Variants in USH2A observed in about 807,000 individuals in gnomAD.
USH2A encodes Usher syndrome 2A (autosomal recessive, mild).
USH2A carries 443 observed loss-of-function variants against 538.9 expected under a neutral mutation model. That is an observed-to-expected ratio of 0.82 (90% CI 0.76 to 0.89). The LOEUF (loss-of-function observed/expected upper bound fraction) is 0.89, where lower values mean the gene tolerates loss of function less well. Among genes scored for constraint, USH2A ranks in the 40% least tolerant of loss-of-function variants. USH2A has a pLI of 0.00. For synonymous variants in USH2A, 2,413 were observed against 2,273.5 expected, an observed-to-expected ratio of 1.06 and a Z score of -1.75; for missense variants, 6,633 against 6,324.8, an observed-to-expected ratio of 1.05 and a Z score of -1.65.
At chr1:216,380,621 G>C (rs1271132711) in intron 3 of USH2A, among the ~76,000 whole-genome samples, 1 of 151,988 alleles carries the variant, frequency 6.6e-6, no homozygotes, top group Non-Finnish European at 1.5e-5. Context: ...GACAAAATAT[G>C]GGAGAAAAAA....
Position 216,078,308 on chromosome 1 carries a change from T to G in USH2A, c.5353A>C (p.Thr1785Pro), listed in dbSNP as rs1001127150. The G allele has an allele frequency of 5.0e-6, 8 of 1,613,660 alleles. No homozygotes were observed. Among genetic ancestry groups the G allele is most frequent in the Non-Finnish European group, 6.8e-6 (8 of 1,179,694 alleles). ...TFRLNTSLAF[T>P]QVDLLLGLSY... ...AGCCCCAGCAATAGATCCACTTGTG[T>G]AAAGGCAAGACTGGTATTTAACCGG... Residue 1785 changes from threonine (T) to proline (P), a missense_variant, in exon 27 of 72, where the codon ACA becomes CCA. By Grantham distance (38) the Thr-to-Pro change is conservative. Transcript: ENST00000307340.
intron 38 of USH2A, among the ~76,000 whole-genome samples, chr1:215,925,958 G>A (rs1247606029): frequency 6.6e-6 from 1 of 152,034 alleles, no homozygotes; most frequent in Non-Finnish European, 1.5e-5. Flanking sequence ...AAAAGGCATA[G>A]AGTGAGCTGA....
At chr1:215,859,643 G>A (rs890935399) in intron 44 of USH2A, among the ~76,000 whole-genome samples, 33 of 152,138 alleles carry the variant, frequency 2.2e-4, no homozygotes, top group Non-Finnish European at 3.2e-4. Context: ...GCACAGCTTT[G>A]GTGTACTTAG....
At chr1:215,883,622 G>A (rs756548576) in intron 41 of USH2A, among the ~76,000 whole-genome samples, 3 of 151,834 alleles carry the variant, frequency 2.0e-5, no homozygotes, top group African/African-American at 4.8e-5. Context: ...ATAGTTGGTC[G>A]GGCTGGTATC....
At chr1:216,394,005 C>A (rs1457944776) in intron 3 of USH2A, among the ~76,000 whole-genome samples, 1 of 152,114 alleles carries the variant, frequency 6.6e-6, no homozygotes, top group African/African-American at 2.4e-5. Flanking sequence ...AAACATTTCA[C>A]TAAAGAGGAT....
At chr1:216,063,678 T>C (rs1243752629) in intron 30 of USH2A, among the ~76,000 whole-genome samples, 1 of 152,188 alleles carries the variant, frequency 6.6e-6, no homozygotes, top group African/African-American at 2.4e-5. Flanking sequence ...GTGACTCCCG[T>C]ACTTAAATAC....
intron 64 of USH2A, among the ~76,000 whole-genome samples, chr1:215,664,334 A>T (rs546705094): frequency 8.5e-5 from 13 of 152,232 alleles, no homozygotes; most frequent in Non-Finnish European, 4.4e-5. Flanking sequence ...TCAATGAGAG[A>T]CACAACTAAT....
In USH2A at chr1:216,006,182, C is replaced by G. The variant is rs144862932; in HGVS notation, c.6326-5620G>C. 5.1e-4 allele frequency among the ~76,000 whole-genome samples: 77 copies of G among 152,286 alleles called. No homozygotes were observed. In the East Asian group the frequency reaches 0.014, roughly 27 times the overall value. The stretch of plus-strand genomic sequence containing the variant: ...ACCTCTACTTCATTTATTCAACATT[C>G]AGCATAGTTACACCTACTACTTCAT... On this transcript the variant is annotated intron_variant, in intron 32 of 71. Coordinates refer to ENST00000307340, the MANE Select transcript of USH2A (RefSeq NM_206933.4).
At chr1:216,014,234 TG>T (rs1668650214) in intron 32 of USH2A, among the ~76,000 whole-genome samples, 1 of 151,638 alleles carries the variant, frequency 6.6e-6, no homozygotes, top group Admixed American at 6.6e-5. Context: ...AGGTTGGGCG[TG>T]GGGGGAAGGA....
intron 3 of USH2A, among the ~76,000 whole-genome samples, chr1:216,401,174 A>C (rs895678553): frequency 3.9e-5 from 6 of 152,118 alleles, no homozygotes; most frequent in Non-Finnish European, 8.8e-5. Context: ...TGAGTAAAGG[A>C]CCTAAGTGGA....
At chr1:216,217,646 C>A in intron 14 of USH2A, 96 bp from the exon 15 acceptor site, 2 of 1,461,572 alleles carry the variant, frequency 1.4e-6, no homozygotes, top group East Asian at 2.4e-5. Flanking sequence ...TAGAGTAAGA[C>A]GGCTTGTTTT....
intron 57 of USH2A, among the ~76,000 whole-genome samples, chr1:215,759,174 G>A (rs1339892481): frequency 2.0e-5 from 3 of 152,142 alleles, no homozygotes; most frequent in Admixed American, 6.6e-5. Context: ...TAAAACATCT[G>A]TTGATTTAAG....
At chr1:216,115,155 C>T (rs2032975140) in intron 21 of USH2A, among the ~76,000 whole-genome samples, 2 of 151,014 alleles carry the variant, frequency 1.3e-5, no homozygotes, top group South Asian at 4.2e-4. Flanking sequence ...TTGTTTGAGA[C>T]AAGGTCTTTC....
At chr1:215,756,763 A>C (rs1660807794) in intron 58 of USH2A, among the ~76,000 whole-genome samples, 1 of 152,028 alleles carries the variant, frequency 6.6e-6, no homozygotes. Context: ...ATTTCTACTA[A>C]AAATACAAAA....
chr1:215,764,707 G>T (rs1324547303), intron 56 of USH2A, among the ~76,000 whole-genome samples: 1 of 151,996 alleles, frequency 6.6e-6, no homozygotes, highest in African/African-American at 2.4e-5. Context: ...TTCGAAAATG[G>T]CATTTTATAA....
chr1:215,696,529 T>C (rs3001052), intron 61 of USH2A, among the ~76,000 whole-genome samples: 17,719 of 152,234 alleles, frequency 0.12, 1,142 homozygotes, highest in Middle Eastern at 0.15. Context: ...TGGCTACCAA[T>C]TGTCAGTCTA....
At chr1:216,409,381 T>A (rs539460994) in intron 3 of USH2A, among the ~76,000 whole-genome samples, 17 of 150,640 alleles carry the variant, frequency 1.1e-4, no homozygotes, top group South Asian at 8.3e-4. Flanking sequence ...AGAAAAAAAC[T>A]TTTTAAATTC....
intron 56 of USH2A, among the ~76,000 whole-genome samples, chr1:215,761,238 C>G (rs1027202378): frequency 6.6e-6 from 1 of 152,156 alleles, no homozygotes; most frequent in Non-Finnish European, 1.5e-5. Context: ...AGAATGTTCT[C>G]ATATGTTCTC....
intron 54 of USH2A, among the ~76,000 whole-genome samples, chr1:215,781,612 A>T (rs1193301193): frequency 6.6e-6 from 1 of 152,168 alleles, no homozygotes; most frequent in Non-Finnish European, 1.5e-5. Flanking sequence ...GGCTTGGAAC[A>T]ATTTTGTTTT....
Sources: gnomAD v4.1 joint callset for allele counts (sites outside exome capture counted in the v4.1 genomes callset) on GRCh38, gnomAD v4.1.1 for gene constraint, MANE v1.5 for transcripts, NCBI Gene and HGNC (gene_info 2026-07-23, HGNC 2026-07-21) for gene names.